Variants in GPHN observed in about 807,000 individuals in gnomAD.
GPHN encodes gephyrin.
GPHN carries 17 observed loss-of-function variants against 95.5 expected under a neutral mutation model. The ratio of observed to expected loss-of-function variants is 0.18; its 90% CI spans 0.12 to 0.27. GPHN has a LOEUF of 0.27. Among genes scored for constraint, GPHN ranks in the 10% least tolerant of loss-of-function variants. The pLI is 1.00. For missense variants in GPHN, 660 were observed against 978.1 expected, an observed-to-expected ratio of 0.67 and a Z score of 4.34; for synonymous variants, 320 against 322.5, an observed-to-expected ratio of 0.99 and a Z score of 0.08.
At chr14:67,651,546 G>C in the GPHN span, 16 of 1,573,050 alleles carry the variant, frequency 1.0e-5, no homozygotes, top group Non-Finnish European at 1.3e-5. Flanking sequence ...AAACATTTTG[G>C]GGTTAGACCT....
chr14:67,641,630 T>C, the GPHN span, among the ~76,000 whole-genome samples: 1 of 152,212 alleles, frequency 6.6e-6, no homozygotes, highest in Non-Finnish European at 1.5e-5. Context: ...ATTGGCTATT[T>C]ATAAAAGTTT....
the GPHN span, chr14:67,393,292 T>A: frequency 7.9e-7 from 1 of 1,271,882 alleles, no homozygotes; most frequent in South Asian, 1.2e-5. Context: ...CGCGGGCAGG[T>A]ATAAGGGAGG....
the GPHN span, among the ~76,000 whole-genome samples, chr14:67,681,373 C>T: frequency 6.6e-6 from 1 of 152,224 alleles, no homozygotes; most frequent in South Asian, 2.1e-4. Context: ...CAGACTAATA[C>T]AGATACCAAG....
the GPHN span, among the ~76,000 whole-genome samples, chr14:67,596,348 C>T: frequency 8.7e-6 from 1 of 115,394 alleles, no homozygotes; most frequent in African/African-American, 3.3e-5. Flanking sequence ...ACTATGTTGG[C>T]CTGGCTGGTC....
the GPHN span, among the ~76,000 whole-genome samples, chr14:67,226,153 T>A: frequency 3.3e-5 from 5 of 152,270 alleles, no homozygotes; most frequent in East Asian, 9.6e-4. Flanking sequence ...AAAGCCAGCT[T>A]AGCACTTGAG....
rs1233085527 is a variant in GPHN at position 66,548,424 on chromosome 14, A to G, written c.64+39833A>G. Among the ~76,000 whole-genome samples the G allele has an allele frequency of 4.6e-5, 7 of 151,828 alleles. No homozygotes were observed. In the East Asian group the frequency reaches 1.4e-3, roughly 29 times the overall value. On this transcript the variant is annotated intron_variant, in intron 1 of 22. Transcript: ENST00000478722. ...TCGAACTCCTGACCTCAGATGATCCACCTGCCTCAGCCTCCCAAAGTGCTG... is the reference window on the plus strand; with the variant it reads ...TCGAACTCCTGACCTCAGATGATCCGCCTGCCTCAGCCTCCCAAAGTGCTG...
chr14:66,647,717 A>G (rs1197052946), intron 1 of GPHN, among the ~76,000 whole-genome samples: 1 of 152,142 alleles, frequency 6.6e-6, no homozygotes, highest in Non-Finnish European at 1.5e-5. Flanking sequence ...ATTATATTGT[A>G]CAGTACTCAC....
chr14:66,681,323 G>A lies in GPHN; in HGVS notation c.143+138G>A, dbSNP rs111726861. ...TCTAATAATGCGTTTTACACATATT[G>A]AAGTCTGACAGAACAGTTCAGAAAT... On this transcript the variant is annotated intron_variant, in intron 2 of 22. Transcript: ENST00000478722. The A allele has an allele frequency of 1.3e-3, 829 of 643,844 alleles. 12 individuals carry two copies. In the African/African-American group the frequency reaches 0.013, roughly 10 times the overall value. 39.9% of individuals were successfully genotyped at this position (643,844 alleles called of 1,614,324 possible). A position where few individuals can be genotyped will look rare whatever the true frequency, so the allele number is the denominator to read the frequency against.
chr14:67,272,004 G>A, the GPHN span: 1 of 151,632 alleles, frequency 6.6e-6, no homozygotes, highest in African/African-American at 2.4e-5. Context: ...CTGGGAGGTG[G>A]AGTTTGCAGT....
chr14:66,706,768 C>T (rs2069112825), intron 2 of GPHN, among the ~76,000 whole-genome samples: 1 of 152,094 alleles, frequency 6.6e-6, no homozygotes, highest in South Asian at 2.1e-4. Flanking sequence ...GACTTCTTGA[C>T]AAAAATGCCA....
the GPHN span, among the ~76,000 whole-genome samples, chr14:67,489,945 A>C: frequency 2.0e-5 from 3 of 151,466 alleles, no homozygotes; most frequent in Non-Finnish European, 4.4e-5. Context: ...ATCTGAGACC[A>C]CGCCACTGCA....
At chr14:66,653,163 T>G (rs2065130500) in intron 1 of GPHN, among the ~76,000 whole-genome samples, 1 of 152,168 alleles carries the variant, frequency 6.6e-6, no homozygotes, top group Non-Finnish European at 1.5e-5. Flanking sequence ...TACCTCAGTG[T>G]CAGTAGTACC....
the GPHN span, among the ~76,000 whole-genome samples, chr14:67,405,011 G>T: frequency 5.3e-5 from 8 of 151,732 alleles, no homozygotes; most frequent in Non-Finnish European, 8.8e-5. Context: ...AAGTAGGCGG[G>T]TCACCTGAGG....
At chr14:67,243,697 C>G in the GPHN span, among the ~76,000 whole-genome samples, 1 of 150,836 alleles carries the variant, frequency 6.6e-6, no homozygotes, top group Non-Finnish European at 1.5e-5. Context: ...GGGTTTTCAC[C>G]GTGTTAGCCA....
chr14:67,186,384 A>G (rs1371223165), downstream of GPHN, among the ~76,000 whole-genome samples: 2 of 151,420 alleles, frequency 1.3e-5, no homozygotes, highest in Non-Finnish European at 2.9e-5. Flanking sequence ...CAGAAATCAC[A>G]CTAAGTATTT....
Position 66,931,640 on chromosome 14 carries a change from T to G in GPHN, c.828+7348T>G, listed in dbSNP as rs1294007902. On this transcript the variant is annotated intron_variant, in intron 8 of 22. Coordinates refer to ENST00000478722, the MANE Select transcript of GPHN (RefSeq NM_020806.5). ...TTTTTCTGCTTAATCAGTTATGCTG[T>G]TGAAAGACTCTGGTATATTCTTCAG... Among the ~76,000 whole-genome samples, 3 of 152,342 alleles carry G rather than the reference T, an allele frequency of 2.0e-5. No homozygotes were observed. In the East Asian group the frequency reaches 5.8e-4, roughly 29 times the overall value.
the GPHN span, chr14:67,651,332 T>C: frequency 6.2e-7 from 1 of 1,611,480 alleles, no homozygotes; most frequent in Non-Finnish European, 8.5e-7. Flanking sequence ...ATCCCTAACA[T>C]CATGCATTCA....
intron 3 of GPHN, among the ~76,000 whole-genome samples, chr14:66,783,823 C>G (rs560853569): frequency 6.6e-6 from 1 of 152,340 alleles, no homozygotes; most frequent in South Asian, 2.1e-4. Context: ...CAGTGCTTCA[C>G]TTTTGCCAGA....
chr14:66,798,268 A>G (rs1227848052), intron 3 of GPHN, among the ~76,000 whole-genome samples: 2 of 151,934 alleles, frequency 1.3e-5, no homozygotes, highest in South Asian at 4.1e-4. Context: ...CATGAGAGAT[A>G]TTGGCCTATA....
Sources: gnomAD v4.1 joint callset for allele counts (sites outside exome capture counted in the v4.1 genomes callset) on GRCh38, gnomAD v4.1.1 for gene constraint, MANE v1.5 for transcripts, NCBI Gene and HGNC (gene_info 2026-07-23, HGNC 2026-07-21) for gene names.